The following STKLD1 variants were observed in gnomAD, a reference collection of about 807,000 sequenced individuals.
STKLD1 encodes serine/threonine kinase like domain containing 1, also known as serine/threonine kinase-like domain-containing protein STKLD1.
STKLD1 carries 79 observed loss-of-function variants against 80.4 expected under a neutral mutation model. The ratio of observed to expected loss-of-function variants is 0.98; its 90% confidence interval spans 0.82 to 1.19. STKLD1 has a LOEUF of 1.19. Among genes scored for constraint, STKLD1 ranks in the 50% most tolerant of loss-of-function variants. STKLD1 has a pLI of 0.00. For missense variants in STKLD1, 841 were observed against 856.0 expected (o/e 0.98, Z 0.22); for synonymous variants, 393 against 357.6 (o/e 1.10, Z -1.12).
chr9:133,391,971 T>C (rs1838408448), intron 7 of STKLD1, among the ~76,000 whole-genome samples: 1 of 151,330 alleles, frequency 6.6e-6, no homozygotes, highest in African/African-American at 2.4e-5. Flanking sequence ...GGAGACGAGT[T>C]CTCGTTCCTT....
At chr9:133,399,857 C>T (rs1838649980) in intron 11 of STKLD1, among the ~76,000 whole-genome samples, 1 of 142,022 alleles carries the variant, frequency 7.0e-6, no homozygotes, top group Non-Finnish European at 1.5e-5. Flanking sequence ...ACGGCCTAGG[C>T]GACAGAGTGA....
Position 133,405,865 on chromosome 9 carries a change from A to C in STKLD1, c.*444A>C. The C allele has an allele frequency of 6.3e-6, 1 of 159,916 alleles. No homozygotes were observed. The highest frequency in any genetic ancestry group is 1.4e-5 in the Non-Finnish European group (1 of 73,116). 9.9% of individuals were successfully genotyped at this position (159,916 alleles called of 1,614,324 possible). On this transcript the variant is annotated 3_prime_UTR_variant, in exon 18 of 18. Transcript: ENST00000371957. ...GGGGGAAGGGTCATCCAGCACCAGA[A>C]TGCGCATCTCACACTCCTCTTAGGT...
chr9:133,400,558 CG>C, intron 12 of STKLD1, 29 bp downstream of exon 12: 1 of 1,560,982 alleles, frequency 6.4e-7, no homozygotes. Context: ...CAGATGGGGT[CG>C]GGGAGGCTGT....
At chr9:133,392,074 CTT>C (rs869053878) in intron 7 of STKLD1, among the ~76,000 whole-genome samples, 25 of 132,762 alleles carry the variant, frequency 1.9e-4, no homozygotes, top group African/African-American at 5.6e-4. Context: ...GCACTCTGTC[CTT>C]TTTTTTTTTT....
chr9:133,385,529 T>A lies in STKLD1; in HGVS notation c.220-88T>A. 1.5e-6 allele frequency: 2 copies of A among 1,325,332 alleles called. No individual in the cohort carries two copies. Among genetic ancestry groups the A allele is most frequent in the Non-Finnish European group, 2.2e-6 (2 of 929,358 alleles). The allele number at this position is 1,325,332 out of a possible 1,614,324, so 82.1% of individuals were successfully genotyped here. On this transcript the variant is annotated intron_variant, in intron 3 of 17. Transcript: ENST00000371957. This position sits in a 1 kb window ranked among gnomAD's most constrained non-coding sequence, Gnocchi z 4.9. ...CAGCTCAGAGCCCGAGGCTTGCATG[T>A]TTGTTGGGATGTGTGACAGAGAAGC...
intron 14 of STKLD1, 74 bp from the exon 15 acceptor site, chr9:133,403,626 G>C: frequency 6.5e-7 from 1 of 1,544,650 alleles, no homozygotes. Flanking sequence ...GAAGGCAGCA[G>C]ATGGGGGATG....
intron 1 of STKLD1, among the ~76,000 whole-genome samples, chr9:133,377,929 C>T (rs1172435849): frequency 1.3e-5 from 2 of 152,172 alleles, no homozygotes; most frequent in South Asian, 2.1e-4. Flanking sequence ...GAGACAGTGA[C>T]GGATCATCAG....
rs201662140 is a variant in STKLD1 at position 133,402,963 on chromosome 9, G to A, written c.1425G>A (p.Arg475=). ...ACCTCAACAGCTCCCTCGAAAGCAG[G>A]GACGTCTGCGCCAGCGGCCTGGGCC... The part of the protein sequence containing the change: ...LEHLNSSLES[R]DVCASGLGLL... Residue 475 remains arginine, a synonymous_variant, in exon 14 of 18, where the codon AGG becomes AGA. Coordinates refer to ENST00000371957, the MANE Select transcript of STKLD1 (RefSeq NM_153710.5). The A allele has an allele frequency of 5.7e-6, 9 of 1,579,808 alleles. No homozygotes were observed. Among genetic ancestry groups the A allele is most frequent in the African/African-American group, 1.3e-5 (1 of 74,288 alleles).
In STKLD1 at chr9:133,385,236, C is replaced by A. The variant is rs1838237727; in HGVS notation, c.220-381C>A. On this transcript the variant is annotated intron_variant, in intron 3 of 17. Coordinates refer to ENST00000371957, the MANE Select transcript of STKLD1 (RefSeq NM_153710.5). This position sits in a 1 kb window ranked among gnomAD's most constrained non-coding sequence, Gnocchi z 4.9. ...TCCGCCAGGGCAGGGGCACCGGGAC[C>A]TCTCCGTGTGCCCACCTCCCGGTGT... is the stretch of plus-strand genomic sequence containing the variant. Among the ~76,000 whole-genome samples, 1 of 152,214 alleles carries A rather than the reference C, an allele frequency of 6.6e-6. No individual in the cohort carries two copies. Among genetic ancestry groups the A allele is most frequent in the Non-Finnish European group, 1.5e-5 (1 of 68,036 alleles).
At chr9:133,378,463 A>G (rs1487791976) in intron 1 of STKLD1, among the ~76,000 whole-genome samples, 2 of 152,206 alleles carry the variant, frequency 1.3e-5, no homozygotes, top group East Asian at 3.8e-4. Context: ...TCAGACCCCC[A>G]GAGTTACCCC....
In STKLD1 at chr9:133,389,643, GA is replaced by G; in HGVS notation, c.467+51del. The stretch of plus-strand genomic sequence containing the variant: ...TGCGGACTGGCTGGCTGCTTCGGGA[GA>G]AAAGGCACTGAGGCCACTCGGGTGC... On this transcript the variant is annotated intron_variant, in intron 6 of 17. Transcript: ENST00000371957. This position sits in a 1 kb window ranked among gnomAD's most constrained non-coding sequence, Gnocchi z 6.4. The G allele has an allele frequency of 6.2e-7, 1 of 1,610,244 alleles. No homozygotes were observed. Among genetic ancestry groups the G allele is most frequent in the Non-Finnish European group, 8.5e-7 (1 of 1,178,326 alleles).
rs2130247728 is a variant in STKLD1 at position 133,376,445 on chromosome 9, C to G, written c.-29C>G. On this transcript the variant is annotated 5_prime_UTR_variant, in exon 1 of 18. Coordinates refer to ENST00000371957, the MANE Select transcript of STKLD1 (RefSeq NM_153710.5). ...CACGCGGGGTGGGGCCAGGGGTGGA[C>G]GCTCGCCCGTACGCGGTCGCTACTG... 1.9e-6 allele frequency: 3 copies of G among 1,550,638 alleles called. No individual in the cohort carries two copies. The highest frequency in any genetic ancestry group is 2.6e-6 in the Non-Finnish European group (3 of 1,150,416).
At chr9:133,391,780 T>C (rs1313504077) in intron 7 of STKLD1, among the ~76,000 whole-genome samples, 2 of 151,092 alleles carry the variant, frequency 1.3e-5, no homozygotes, top group Admixed American at 6.6e-5. Context: ...ACCTTCCCTC[T>C]ACTATTGTCC....
chr9:133,405,402 C>A lies in STKLD1; in HGVS notation c.2024C>A (p.Thr675Lys). The A allele has an allele frequency of 6.2e-7, 1 of 1,609,420 alleles. No homozygotes were observed. Among genetic ancestry groups the A allele is most frequent in the South Asian group, 1.1e-5 (1 of 90,974 alleles). The change falls in exon 18 of 18, where the codon ACG becomes AAG. Residue 675 changes from threonine (T) to lysine (K), a missense_variant. Physicochemically the swap from Thr to Lys is moderately conservative, Grantham distance 78. Coordinates refer to ENST00000371957, the MANE Select transcript of STKLD1 (RefSeq NM_153710.5). Reference sequence around the variant, plus strand: ...GGAAGCCCCCAGCTGGGGTGCACCACGTCTGGGGGACTGGAATAGATGTTT... The same window carrying A: ...GGAAGCCCCCAGCTGGGGTGCACCAAGTCTGGGGGACTGGAATAGATGTTT... ...PGGSPQLGCT[T>K]SGGLE is the part of the protein sequence containing the mutation.
intron 11 of STKLD1, among the ~76,000 whole-genome samples, chr9:133,400,205 C>CA (rs1306059572): frequency 1.3e-5 from 2 of 152,238 alleles, no homozygotes; most frequent in Non-Finnish European, 2.9e-5. Flanking sequence ...GGCCACTTCA[C>CA]AGGGCTGTGG....
chr9:133,392,567 A>G (rs11534422), intron 7 of STKLD1, among the ~76,000 whole-genome samples: 5 of 120,704 alleles, frequency 4.1e-5, no homozygotes, highest in East Asian at 2.9e-4. Context: ...GGATGGATGA[A>G]TGGATGGATG....
intron 11 of STKLD1, 128 bp downstream of exon 11, chr9:133,398,183 G>A: frequency 1.3e-6 from 1 of 765,646 alleles, no homozygotes; most frequent in Non-Finnish European, 2.1e-6. Context: ...GCAGCGTGGA[G>A]GCGTGCATGT....
intron 7 of STKLD1, among the ~76,000 whole-genome samples, chr9:133,392,952 A>G (rs1406831286): frequency 9.4e-5 from 11 of 116,658 alleles, no homozygotes; most frequent in East Asian, 2.9e-4. Context: ...AGATGGGTGG[A>G]TGAGTGGATG....
In STKLD1 at chr9:133,390,199, AC is replaced by A. The variant is rs1838355204; in HGVS notation, c.468-481del. On this transcript the variant is annotated intron_variant, in intron 6 of 17. Transcript: ENST00000371957. The surrounding 1 kb of genome is among the most constrained non-coding windows in gnomAD (Gnocchi z 5.1). Reference sequence around the variant, plus strand: ...CCTGGGCAACCCTGACTTAAAACACACACACACACACACACACACACACACA... The same window carrying A: ...CCTGGGCAACCCTGACTTAAAACACAACACACACACACACACACACACACA... Among the ~76,000 whole-genome samples, 3 of 900 alleles carry A rather than the reference AC, an allele frequency of 3.3e-3. No homozygotes were observed. The highest frequency in any genetic ancestry group is 0.019 in the Non-Finnish European group (2 of 104). 0.6% of individuals were successfully genotyped at this position (900 alleles called of 152,430 possible). A position where few individuals can be genotyped will look rare whatever the true frequency, so the allele number is the denominator to read the frequency against.
Sources: allele counts gnomAD v4.1 joint callset (sites outside exome capture counted in the v4.1 genomes callset), GRCh38; gene constraint gnomAD v4.1.1; non-coding constraint Gnocchi (gnomAD v3.1); transcripts MANE v1.5; gene names NCBI Gene and HGNC (gene_info 2026-07-23, HGNC 2026-07-21).